The following GNB5 variants were observed in gnomAD, a reference collection of about 807,000 sequenced individuals.
The protein encoded by GNB5 is guanine nucleotide-binding protein subunit beta-5.
Under a neutral mutation model 55.3 loss-of-function variants are expected in GNB5, and 37 were observed. That is an observed-to-expected ratio of 0.67 (90% confidence interval 0.51 to 0.88). GNB5 has a LOEUF of 0.88. Among genes scored for constraint, GNB5 ranks in the 40% least tolerant of loss-of-function variants. The probability of loss-of-function intolerance (pLI) is 0.00; values close to 1 mark genes in which losing one functional copy is unlikely to be tolerated. For synonymous variants in GNB5, 219 were observed against 198.5 expected (o/e 1.10, Z -0.87); for missense variants, 476 against 515.3 (o/e 0.92, Z 0.74).
intron 6 of GNB5, among the ~76,000 whole-genome samples, chr15:52,146,024 T>G (rs952400233): frequency 6.7e-6 from 1 of 150,216 alleles, no homozygotes; most frequent in Non-Finnish European, 1.5e-5. Context: ...TGGCGCGATC[T>G]TGGCTCACTG....
chr15:52,156,776 CT>C (rs930145158), intron 3 of GNB5, among the ~76,000 whole-genome samples: 2 of 152,232 alleles, frequency 1.3e-5, no homozygotes, highest in African/African-American at 4.8e-5. Context: ...AAAAACCTTG[CT>C]AAACTCTAAA....
chr15:52,150,814 A>G (rs777085432), intron 4 of GNB5, among the ~76,000 whole-genome samples: 4 of 152,360 alleles, frequency 2.6e-5, no homozygotes, highest in Non-Finnish European at 5.9e-5. Context: ...CATGGCATGC[A>G]GGTTGCTGGG....
chr15:52,162,760 G>C (rs1026761378), intron 3 of GNB5: 2 of 152,164 alleles, frequency 1.3e-5, no homozygotes, highest in Admixed American at 1.3e-4. Flanking sequence ...AGGCTGATCC[G>C]AGTGCAATGG....
Position 52,122,649 on chromosome 15 carries a change from C to A in GNB5, c.*108G>T. On this transcript the variant is annotated 3_prime_UTR_variant, in exon 13 of 13. Transcript: ENST00000261837. ...AGTGACCTGTGAGCCATGGGTTGCT[C>A]CCCTAAGCTACACTGCAATAAACTC... 1 of 887,782 alleles carries A rather than the reference C, an allele frequency of 1.1e-6. No individual in the cohort carries two copies. The highest frequency in any genetic ancestry group is 1.4e-5 in the South Asian group (1 of 74,050). 55.0% of individuals were successfully genotyped at this position (887,782 alleles called of 1,614,324 possible). A position where few individuals can be genotyped will look rare whatever the true frequency, so the allele number is the denominator to read the frequency against.
intron 3 of GNB5, among the ~76,000 whole-genome samples, chr15:52,161,257 T>C (rs1459467545): frequency 3.3e-5 from 5 of 152,162 alleles, no homozygotes; most frequent in Non-Finnish European, 7.3e-5. Context: ...GCACTGACAA[T>C]GGCTTCTTAG....
At chr15:52,165,776 C>T (rs78832802) in intron 3 of GNB5, among the ~76,000 whole-genome samples, 3,116 of 152,184 alleles carry the variant, frequency 0.02, 74 homozygotes, top group East Asian at 0.12. Context: ...TGTGAAGCAC[C>T]TACACAAACA....
Position 52,145,926 on chromosome 15 carries a change from T to C in GNB5, c.494+1533A>G, listed in dbSNP as rs561285903. Among the ~76,000 whole-genome samples, 26 of 151,684 alleles carry C rather than the reference T, an allele frequency of 1.7e-4. No individual in the cohort carries two copies. The South Asian group carries it at 5.4e-3, about 32-fold the overall frequency. On this transcript the variant is annotated intron_variant, in intron 6 of 12. Transcript: ENST00000261837. Reference sequence around the variant, plus strand: ...GAAAGAACTACTATTTTATTTGGTATAGTTCCTCCCAGCCTTTATAATATG... The same window carrying C: ...GAAAGAACTACTATTTTATTTGGTACAGTTCCTCCCAGCCTTTATAATATG...
chr15:52,183,673 T>C (rs1000835280), intron 2 of GNB5, among the ~76,000 whole-genome samples: 1 of 152,120 alleles, frequency 6.6e-6, no homozygotes. Context: ...GTATTATGGA[T>C]TTTGTTGTTG....
At chr15:52,149,539 G>A (rs906308667) in intron 5 of GNB5, 1 of 568,404 alleles carries the variant, frequency 1.8e-6, no homozygotes, top group Non-Finnish European at 3.1e-6. Flanking sequence ...AGGGGAGAGA[G>A]AATGGAGAAT....
At chr15:52,140,096 G>C in intron 7 of GNB5, 1 of 476,024 alleles carries the variant, frequency 2.1e-6, no homozygotes, top group Non-Finnish European at 3.0e-6. Context: ...GCACAATGGT[G>C]ACACTGCAAG....
At chr15:52,141,306 T>C (rs760834623) in intron 6 of GNB5, 34 bp from the exon 7 acceptor site, 4 of 1,599,908 alleles carry the variant, frequency 2.5e-6, no homozygotes, top group East Asian at 4.5e-5. Context: ...CAAAGATTAA[T>C]GCAGAGTCAC....
chr15:52,152,615 A>G (rs1054376431), intron 4 of GNB5, among the ~76,000 whole-genome samples: 3 of 149,104 alleles, frequency 2.0e-5, no homozygotes, highest in Non-Finnish European at 1.5e-5. Flanking sequence ...GTGAGCCACC[A>G]TGCCTGGCTG....
At position 52,118,871 on chromosome 15, in the gene GNB5, A is replaced by AAG. The variant is rs1235273554; in HGVS notation, c.*3885_*3886insCT. 24 of 146,390 alleles carry AAG rather than the reference A, an allele frequency of 1.6e-4. No individual in the cohort carries two copies. Among genetic ancestry groups the AAG allele is most frequent in the Non-Finnish European group, 1.4e-4 (9 of 65,838 alleles). The allele number at this position is 146,390 out of a possible 1,614,324, so 9.1% of individuals were successfully genotyped here. ...GGCAACAAGAGCAAAACTCCACGTA[A>AAG]AAAAAAAAAAAAAAAAAAAGTGTAC... On this transcript the variant is annotated 3_prime_UTR_variant, in exon 13 of 13. Transcript: ENST00000261837.
chr15:52,153,857 G>C, intron 4 of GNB5, 83 bp downstream of exon 4: 1 of 1,201,894 alleles, frequency 8.3e-7, no homozygotes, highest in South Asian at 1.4e-5. Flanking sequence ...TCAGAAAAGG[G>C]CTTTTGGAAA....
chr15:52,186,773 T>C (rs2034852026), intron 1 of GNB5, among the ~76,000 whole-genome samples: 1 of 152,102 alleles, frequency 6.6e-6, no homozygotes, highest in Non-Finnish European at 1.5e-5. Flanking sequence ...ACATTTCTGA[T>C]GAGGAACGTC....
Position 52,179,756 on chromosome 15 carries a change from GCCCGCACT to G in GNB5, c.238+4_238+11del. The G allele has an allele frequency of 1.4e-6, 2 of 1,460,190 alleles. No homozygotes were observed. The highest frequency in any genetic ancestry group is 1.8e-6 in the Non-Finnish European group (2 of 1,101,858). The allele number at this position is 1,460,190 out of a possible 1,614,324, so 90.5% of individuals were successfully genotyped here. A position where few individuals can be genotyped will look rare whatever the true frequency, so the allele number is the denominator to read the frequency against. On this transcript the variant is annotated splice_donor_5th_base_variant and intron_variant, in intron 3 of 12. Transcript: ENST00000261837. ...TCCGGCTTGCCCCGCCCGCCTCCCGGCCCGCACTCACGCTCCACATCGTGCAGCTTGGC... is the reference window on the plus strand; with the variant it reads ...TCCGGCTTGCCCCGCCCGCCTCCCGGCACGCTCCACATCGTGCAGCTTGGC...
chr15:52,137,671 T>C (rs1287697844), intron 7 of GNB5: 25 of 1,176,584 alleles, frequency 2.1e-5, no homozygotes, highest in African/African-American at 3.2e-5. Flanking sequence ...CCAGTGTGTA[T>C]GAGGCCTGGG....
rs974181514 is a variant in GNB5, at chr15:52,124,760, T to C, written c.1010-121A>G. Reference sequence around the variant, plus strand: ...CAGGCGCACTGAGTCCTAGGCACTGTGCTTTGCCTCAAGGATTCAAAGGGG... The same window carrying C: ...CAGGCGCACTGAGTCCTAGGCACTGCGCTTTGCCTCAAGGATTCAAAGGGG... On this transcript the variant is annotated intron_variant, in intron 11 of 12. Transcript: ENST00000261837. 20 of 808,016 alleles carry C rather than the reference T, an allele frequency of 2.5e-5. 1 individual carries two copies. In the East Asian group the frequency reaches 3.2e-4, roughly 13 times the overall value. The allele number at this position is 808,016 out of a possible 1,614,324, so 50.1% of individuals were successfully genotyped here. A position where few individuals can be genotyped will look rare whatever the true frequency, so the allele number is the denominator to read the frequency against.
At chr15:52,163,734 A>G (rs1434757232) in intron 3 of GNB5, among the ~76,000 whole-genome samples, 1 of 152,170 alleles carries the variant, frequency 6.6e-6, no homozygotes, top group Non-Finnish European at 1.5e-5. Flanking sequence ...GGGCAGCCAG[A>G]CTGCTTCTTT....
Sources: gnomAD v4.1 joint callset for allele counts (sites outside exome capture counted in the v4.1 genomes callset) on GRCh38, gnomAD v4.1.1 for gene constraint, MANE v1.5 for transcripts, NCBI Gene and HGNC (gene_info 2026-07-23, HGNC 2026-07-21) for gene names.